Variants in NPSR1 observed in about 807,000 individuals in gnomAD.
NPSR1 encodes the protein neuropeptide S receptor.
Under a neutral mutation model 46.9 loss-of-function variants are expected in NPSR1, and 48 were observed. The ratio of observed to expected loss-of-function variants is 1.02; its 90% CI spans 0.81 to 1.30. NPSR1 has a LOEUF of 1.30. Ranked by LOEUF, NPSR1 falls within the 50% of genes most tolerant of loss-of-function variation. The probability of loss-of-function intolerance (pLI) is 0.00; values close to 1 mark genes in which losing one functional copy is unlikely to be tolerated. For synonymous variants in NPSR1, 176 were observed against 168.1 expected (o/e 1.05, Z -0.36); for missense variants, 450 against 449.5 (o/e 1.00, Z -0.01).
At chr7:34,830,859 C>T (rs1008659752) in intron 5 of NPSR1, among the ~76,000 whole-genome samples, 4 of 152,054 alleles carry the variant, frequency 2.6e-5, no homozygotes, top group African/African-American at 9.7e-5. Flanking sequence ...GCTGCTGATG[C>T]CTCACCTGCA....
intron 6 of NPSR1, among the ~76,000 whole-genome samples, chr7:34,843,837 C>T (rs998545147): frequency 3.9e-5 from 6 of 152,256 alleles, no homozygotes; most frequent in African/African-American, 1.4e-4. Flanking sequence ...CTGCCCTACT[C>T]CATGTGACTT....
intron 5 of NPSR1, chr7:34,834,102 C>T (rs748740218): frequency 2.3e-6 from 1 of 426,170 alleles, no homozygotes; most frequent in Non-Finnish European, 4.2e-6. Flanking sequence ...TTTTTGGATT[C>T]TAATCACAGC....
intron 2 of NPSR1, among the ~76,000 whole-genome samples, chr7:34,716,813 G>C (rs1783597589): frequency 6.6e-6 from 1 of 152,072 alleles, no homozygotes; most frequent in Non-Finnish European, 1.5e-5. Flanking sequence ...GAGCATCACA[G>C]CTTAAGGGTC....
At chr7:34,847,481 G>A (rs1790777422) in intron 7 of NPSR1, among the ~76,000 whole-genome samples, 1 of 152,086 alleles carries the variant, frequency 6.6e-6, no homozygotes, top group Non-Finnish European at 1.5e-5. Context: ...AGCTGCAGTT[G>A]GAAGCTGGAG....
downstream of NPSR1, among the ~76,000 whole-genome samples, chr7:34,852,142 A>T (rs1339075665): frequency 1.3e-5 from 2 of 152,138 alleles, no homozygotes; most frequent in African/African-American, 4.8e-5. Flanking sequence ...TACTAAAAAT[A>T]CAAAAAGATT....
chr7:34,736,978 C>T (rs890769123), intron 2 of NPSR1, among the ~76,000 whole-genome samples: 5 of 151,004 alleles, frequency 3.3e-5, no homozygotes, highest in African/African-American at 9.8e-5. Flanking sequence ...TCTCGCACTG[C>T]CCTGAACTCT....
chr7:34,807,795 T>G (rs926831331), intron 3 of NPSR1, among the ~76,000 whole-genome samples: 1 of 152,174 alleles, frequency 6.6e-6, no homozygotes, highest in Non-Finnish European at 1.5e-5. Context: ...TCTTTCTATA[T>G]TAAGGGTTTT....
intron 2 of NPSR1, among the ~76,000 whole-genome samples, chr7:34,712,335 A>G (rs964545274): frequency 6.6e-6 from 1 of 152,052 alleles, no homozygotes; most frequent in Non-Finnish European, 1.5e-5. Context: ...TCCATTTTTC[A>G]TGTTTTCTTT....
chr7:34,748,519 G>A (rs1785334903), intron 2 of NPSR1, among the ~76,000 whole-genome samples: 1 of 152,134 alleles, frequency 6.6e-6, no homozygotes, highest in Non-Finnish European at 1.5e-5. Context: ...GTGACCTTGG[G>A]CAAGCTGCCA....
At chr7:34,679,512 A>G (rs1350509967) in intron 1 of NPSR1, among the ~76,000 whole-genome samples, 2 of 152,178 alleles carry the variant, frequency 1.3e-5, no homozygotes, top group African/African-American at 4.8e-5. Context: ...GAGTGTTTTG[A>G]TAAGTTCTCG....
chr7:34,811,316 AG>A (rs1674805354), intron 3 of NPSR1, among the ~76,000 whole-genome samples: 2 of 152,218 alleles, frequency 1.3e-5, no homozygotes, highest in South Asian at 4.2e-4. Context: ...TTGGCTGTCC[AG>A]GGCCATTCTC....
Position 34,849,771 on chromosome 7 carries a change from T to G in NPSR1, c.*116T>G. ...ACTTCACCCCACCCTCGTCATTACC[T>G]GGGAGATGCACAAGACAAATGTTCT... On this transcript the variant is annotated 3_prime_UTR_variant, in exon 9 of 9. Transcript: ENST00000360581. 1 of 1,531,606 alleles carries G rather than the reference T, an allele frequency of 6.5e-7. No individual in the cohort carries two copies. Among genetic ancestry groups the G allele is most frequent in the Non-Finnish European group, 8.8e-7 (1 of 1,141,758 alleles). 94.9% of individuals were successfully genotyped at this position (1,531,606 alleles called of 1,614,324 possible). A position where few individuals can be genotyped will look rare whatever the true frequency, so the allele number is the denominator to read the frequency against.
At chr7:34,729,360 T>C (rs2128712839) in intron 2 of NPSR1, among the ~76,000 whole-genome samples, 1 of 152,148 alleles carries the variant, frequency 6.6e-6, no homozygotes, top group South Asian at 2.1e-4. Context: ...TTCACAAGAT[T>C]GAAAGATCAT....
Position 34,827,511 on chromosome 7 carries a change from T to C in NPSR1, c.589T>C (p.Cys197Arg), listed in dbSNP as rs2128756279. The C allele has an allele frequency of 1.9e-6, 3 of 1,614,088 alleles. No individual in the cohort carries two copies. The highest frequency in any genetic ancestry group is 4.5e-5 in the East Asian group (2 of 44,868). Residue 197 changes from cysteine to arginine, a missense_variant, in exon 5 of 9, where the codon TGC becomes CGC. Coordinates refer to ENST00000360581, the MANE Select transcript of NPSR1 (RefSeq NM_207172.2). Reference protein sequence around the residue: ...KRTLSNGEVQCWALWPDDSYW... With the variant: ...KRTLSNGEVQRWALWPDDSYW... ...GACACTGTCCAACGGTGAAGTGCAG[T>C]GCTGGGCCCTGTGGCCTGACGACTC...
intron 2 of NPSR1, chr7:34,711,136 G>A (rs1048844900): frequency 3.5e-6 from 1 of 287,188 alleles, no homozygotes; most frequent in Non-Finnish European, 6.9e-6. Flanking sequence ...AGCTCAACAA[G>A]CTTAGCATGC....
At chr7:34,831,944 T>A (rs1415310302) in intron 5 of NPSR1, among the ~76,000 whole-genome samples, 2 of 152,120 alleles carry the variant, frequency 1.3e-5, no homozygotes, top group African/African-American at 4.8e-5. Flanking sequence ...TGGGATCACA[T>A]TGTGGGAAAG....
At chr7:34,727,060 T>C (rs1784191507) in intron 2 of NPSR1, among the ~76,000 whole-genome samples, 1 of 152,126 alleles carries the variant, frequency 6.6e-6, no homozygotes, top group Non-Finnish European at 1.5e-5. Flanking sequence ...TAGTAAGAAA[T>C]GTACCATTCT....
In NPSR1 at chr7:34,844,827, C is replaced by T. The variant is rs17170021; in HGVS notation, c.758-69C>T. 4 of 970,090 alleles carry T rather than the reference C, an allele frequency of 4.1e-6. No homozygotes were observed. The African/African-American group carries it at 4.8e-5, about 12-fold the overall frequency. 60.1% of individuals were successfully genotyped at this position (970,090 alleles called of 1,614,324 possible). ...AACTGGAGTCTAACCTTTAATGTTC[C>T]TATTGGCTGAAACAGAAACTGTCAC... On this transcript the variant is annotated intron_variant, in intron 6 of 8. Coordinates refer to ENST00000360581, the MANE Select transcript of NPSR1 (RefSeq NM_207172.2).
chr7:34,831,724 T>C (rs1339735364), intron 5 of NPSR1, among the ~76,000 whole-genome samples: 1 of 152,194 alleles, frequency 6.6e-6, no homozygotes, highest in Non-Finnish European at 1.5e-5. Context: ...TTATTAGCCC[T>C]GGTGTAATTG....
Sources: allele counts gnomAD v4.1 joint callset (sites outside exome capture counted in the v4.1 genomes callset), GRCh38; gene constraint gnomAD v4.1.1; transcripts MANE v1.5; gene names NCBI Gene and HGNC (gene_info 2026-07-23, HGNC 2026-07-21).